TNRC6B: variants seen among roughly 807,000 people sequenced by gnomAD.
TNRC6B encodes the protein trinucleotide repeat containing adaptor 6B, also known as trinucleotide repeat-containing gene 6B protein.
Under a neutral mutation model 203.6 loss-of-function variants are expected in TNRC6B, and 52 were observed. The observed-to-expected ratio is 0.26, with a 90% CI of 0.20 to 0.32. TNRC6B has a LOEUF of 0.32. Among genes scored for constraint, TNRC6B ranks in the 10% least tolerant of loss-of-function variants. The pLI is 1.00. For synonymous variants in TNRC6B, 838 were observed against 845.7 expected (o/e 0.99, Z 0.16); for missense variants, 1,923 against 2,286.2 (o/e 0.84, Z 3.24).
At chr22:40,115,219 G>T (rs1318074276) in intron 1 of TNRC6B, among the ~76,000 whole-genome samples, 1 of 152,200 alleles carries the variant, frequency 6.6e-6, no homozygotes, top group African/African-American at 2.4e-5. Context: ...ACTTTACAGG[G>T]TTGGCACACT....
intron 1 of TNRC6B, among the ~76,000 whole-genome samples, chr22:40,094,197 C>T (rs2068170335): frequency 6.6e-6 from 1 of 151,924 alleles, no homozygotes; most frequent in Non-Finnish European, 1.5e-5. Flanking sequence ...ACTATGAGTC[C>T]TACACAGTAC....
chr22:40,262,292 A>G (rs1368838060), intron 4 of TNRC6B, 119 bp downstream of exon 4: 8 of 935,750 alleles, frequency 8.5e-6, no homozygotes, highest in South Asian at 8.8e-5. Flanking sequence ...GGATTAGTCA[A>G]AAGATGAGAG....
intron 1 of TNRC6B, among the ~76,000 whole-genome samples, chr22:40,214,803 C>G (rs575664969): frequency 1.3e-5 from 2 of 152,304 alleles, no homozygotes; most frequent in South Asian, 4.1e-4. Flanking sequence ...ATCCTCCCAC[C>G]TTGGCCTCCC....
chr22:40,299,070 G>A (rs113659699), intron 12 of TNRC6B, among the ~76,000 whole-genome samples: 6 of 150,856 alleles, frequency 4.0e-5, no homozygotes, highest in African/African-American at 7.3e-5. Context: ...GAGACCAGCC[G>A]GGAGGTCAAG....
intron 1 of TNRC6B, among the ~76,000 whole-genome samples, chr22:40,075,154 ATATTT>A (rs1307556794): frequency 3.6e-5 from 2 of 55,396 alleles, no homozygotes; most frequent in Non-Finnish European, 6.2e-5. Flanking sequence ...ATATATATAT[ATATTT>A]TTTTTTTTTT....
At chr22:40,131,500 C>A (rs2068544804) in intron 3 of TNRC6B, among the ~76,000 whole-genome samples, 1 of 151,700 alleles carries the variant, frequency 6.6e-6, no homozygotes, top group South Asian at 2.1e-4. Context: ...GAATTATGCA[C>A]AAGCATAATT....
At chr22:40,223,950 T>G (rs762776909) in intron 1 of TNRC6B, among the ~76,000 whole-genome samples, 1 of 152,192 alleles carries the variant, frequency 6.6e-6, no homozygotes, top group Non-Finnish European at 1.5e-5. Context: ...TACCACCAAA[T>G]TTTGTCTTTG....
At chr22:40,068,966 A>T (rs1157139981) in intron 1 of TNRC6B, among the ~76,000 whole-genome samples, 1 of 152,048 alleles carries the variant, frequency 6.6e-6, no homozygotes, top group East Asian at 1.9e-4. Context: ...TTTATTTTTG[A>T]TTAATTTAGA....
At position 40,325,833 on chromosome 22, in the gene TNRC6B, T is replaced by G. The variant is rs1235344981; in HGVS notation, c.*2592T>G. 6.5e-6 allele frequency: 1 copy of G among 152,740 alleles called. No individual in the cohort carries two copies. Among genetic ancestry groups the G allele is most frequent in the African/African-American group, 2.4e-5 (1 of 41,398 alleles). 9.5% of individuals were successfully genotyped at this position (152,740 alleles called of 1,614,324 possible). On this transcript the variant is annotated 3_prime_UTR_variant, in exon 23 of 23. Coordinates refer to ENST00000454349, the MANE Select transcript of TNRC6B (RefSeq NM_001162501.2). ...ACTGCTGTGTCCTGCCCCACCCTCC[T>G]CTCCTCCTGCCTGTTGGTTCCTTGA... is the stretch of plus-strand genomic sequence containing the variant.
intron 3 of TNRC6B, among the ~76,000 whole-genome samples, chr22:40,134,340 A>G (rs1214885888): frequency 6.6e-6 from 1 of 152,202 alleles, no homozygotes; most frequent in Non-Finnish European, 1.5e-5. Context: ...CAGTCTAATC[A>G]TGAGAAAAAC....
chr22:40,117,358 A>G (rs1427399416), intron 2 of TNRC6B, among the ~76,000 whole-genome samples: 1 of 152,150 alleles, frequency 6.6e-6, no homozygotes, highest in Non-Finnish European at 1.5e-5. Context: ...AGAAAGCTAC[A>G]ACTTAGTTAT....
intron 3 of TNRC6B, among the ~76,000 whole-genome samples, chr22:40,146,014 CTG>C (rs2068692605): frequency 6.6e-6 from 1 of 152,076 alleles, no homozygotes; most frequent in Admixed American, 6.5e-5. Context: ...ATAGTGGAAA[CTG>C]TGAGATTAGA....
chr22:40,135,155 G>A, intron 3 of TNRC6B, among the ~76,000 whole-genome samples: 1 of 152,180 alleles, frequency 6.6e-6, no homozygotes, highest in Non-Finnish European at 1.5e-5. Flanking sequence ...ATTCAGGAGG[G>A]AGCATTCCAA....
chr22:40,239,402 T>C (rs2069995910), intron 1 of TNRC6B, among the ~76,000 whole-genome samples: 1 of 152,168 alleles, frequency 6.6e-6, no homozygotes. Flanking sequence ...CGGTGTCATC[T>C]GCCTTGAGAC....
At chr22:40,270,618 G>A (rs995558051) in intron 6 of TNRC6B, among the ~76,000 whole-genome samples, 1 of 151,944 alleles carries the variant, frequency 6.6e-6, no homozygotes, top group Admixed American at 6.6e-5. Flanking sequence ...GTGCCCGGCC[G>A]GGATTCTTTG....
At position 40,324,574 on chromosome 22, in the gene TNRC6B, C is replaced by T. The variant is rs2071379698; in HGVS notation, c.*1333C>T. The T allele has an allele frequency of 6.5e-6, 1 of 152,674 alleles. No homozygotes were observed. Among genetic ancestry groups the T allele is most frequent in the African/African-American group, 2.4e-5 (1 of 41,462 alleles). The allele number at this position is 152,674 out of a possible 1,614,324, so 9.5% of individuals were successfully genotyped here. A position where few individuals can be genotyped will look rare whatever the true frequency, so the allele number is the denominator to read the frequency against. On this transcript the variant is annotated 3_prime_UTR_variant, in exon 23 of 23. Transcript: ENST00000454349. ...GTGAGCAGCCTCCTGAAAGCATCTGCAGCTACTCCCTCTGCTCCTTTCTCG... is the reference window on the plus strand; with the variant it reads ...GTGAGCAGCCTCCTGAAAGCATCTGTAGCTACTCCCTCTGCTCCTTTCTCG...
At position 40,131,213 on chromosome 22, in the gene TNRC6B, C is replaced by T. The variant is rs117729391; in HGVS notation, c.45+5351C>T. On this transcript the variant is annotated intron_variant, in intron 3 of 23. Coordinates refer to the TNRC6B transcript ENST00000301923. ...GGGATTACAGGCTGAGCCACTGTGC[C>T]CAGCGCGGTATAGAAGTCTTATTGG... Among the ~76,000 whole-genome samples, 268 of 152,222 alleles carry T rather than the reference C, an allele frequency of 1.8e-3. 2 individuals are homozygous for T. The highest frequency in any genetic ancestry group is 8.1e-3 in the South Asian group (39 of 4,820).
chr22:40,261,843 A>G lies in TNRC6B; in HGVS notation c.127A>G (p.Thr43Ala), dbSNP rs772293423. 26 of 1,571,418 alleles carry G rather than the reference A, an allele frequency of 1.7e-5. No individual in the cohort carries two copies. The highest frequency in any genetic ancestry group is 8.4e-5 in the Admixed American group (5 of 59,292). Reference sequence around the variant, plus strand: ...CCCCTCTCTTTTAGTGCCCGAAGTGACGAAACCAAGTTTAAGCCAACCAAC... The same window carrying G: ...CCCCTCTCTTTTAGTGCCCGAAGTGGCGAAACCAAGTTTAAGCCAACCAAC... ...TEQKTKVPEV[T>A]KPSLSQPTAA... The change falls in exon 4 of 23, where the codon ACG becomes GCG. Residue 43 changes from threonine (T) to alanine (A), a missense_variant. This residue lies in a region of TNRC6B where 111 missense variants were observed against 155.3 expected (regional missense o/e 0.71). Coordinates refer to ENST00000454349, the MANE Select transcript of TNRC6B (RefSeq NM_001162501.2).
intron 8 of TNRC6B, among the ~76,000 whole-genome samples, 160 bp downstream of exon 8, chr22:40,277,311 A>G (rs1488904249): frequency 5.9e-5 from 9 of 152,198 alleles, no homozygotes; most frequent in Non-Finnish European, 1.3e-4. Context: ...TTTCTCTTCT[A>G]TTCTTATTAA....
Sources: gnomAD v4.1 joint callset for allele counts (sites outside exome capture counted in the v4.1 genomes callset) on GRCh38, gnomAD v4.1.1 for gene constraint, gnomAD v4.1.1 regional missense constraint, MANE v1.5 for transcripts, NCBI Gene and HGNC (gene_info 2026-07-23, HGNC 2026-07-21) for gene names.